The following CHMP7 variants were observed in gnomAD, a reference collection of about 807,000 sequenced individuals.
CHMP7 encodes charged multivesicular body protein 7, also known as CHMP family, member 7.
In CHMP7, 15 loss-of-function variants were observed where a neutral mutation model predicts 53.7. That is an observed-to-expected ratio of 0.28 (90% confidence interval 0.19 to 0.43). The LOEUF is 0.43. Among genes scored for constraint, CHMP7 ranks in the 20% least tolerant of loss-of-function variants. The pLI, the probability that CHMP7 is intolerant of heterozygous loss-of-function variation, is 1.00. For missense variants in CHMP7, 527 were observed against 569.4 expected (o/e 0.93, Z 0.76); for synonymous variants, 261 against 228.0 (o/e 1.14, Z -1.30).
chr8:23,254,003 A>G (rs989299606), intron 3 of CHMP7, among the ~76,000 whole-genome samples: 1 of 152,180 alleles, frequency 6.6e-6, no homozygotes, highest in African/African-American at 2.4e-5. Flanking sequence ...TACACTTTCT[A>G]TAATATAGGA....
rs763463042 is a variant in CHMP7, at chr8:23,246,974, G to C, written c.279G>C (p.Thr93=). ...GGAGCGTCCCGCTGGGGCTGGCCAC[G>C]GTGCTGCAGGACCTGCTGCGGTGAG... ...RKGSVPLGLA[T]VLQDLLRRGE... is the part of the protein sequence containing the mutation. The change falls in exon 2 of 11, where the codon ACG becomes ACC. Residue 93 remains threonine, a synonymous_variant. Transcript: ENST00000397677. 14 of 1,539,470 alleles carry C rather than the reference G, an allele frequency of 9.1e-6. No individual in the cohort carries two copies. Among genetic ancestry groups the C allele is most frequent in the Non-Finnish European group, 1.1e-5 (13 of 1,146,876 alleles).
intron 3 of CHMP7, among the ~76,000 whole-genome samples, chr8:23,253,252 T>G (rs1009611396): frequency 2.0e-5 from 3 of 152,256 alleles, no homozygotes; most frequent in African/African-American, 7.2e-5. Flanking sequence ...TGATAGGTTG[T>G]ATACATAATC....
intron 10 of CHMP7, 51 bp from the exon 11 acceptor site, chr8:23,260,487 C>T (rs1802343262): frequency 6.4e-7 from 1 of 1,566,920 alleles, no homozygotes; most frequent in Non-Finnish European, 8.8e-7. Context: ...GGAATGCCTT[C>T]ATCTTCAAGA....
intron 2 of CHMP7, 24 bp downstream of exon 2, chr8:23,247,018 G>C (rs1801725673): frequency 1.3e-6 from 2 of 1,485,378 alleles, no homozygotes; most frequent in South Asian, 1.3e-5. Flanking sequence ...TGGGGCCAGG[G>C]CCGCGAGGGC....
rs145952565 is a variant in CHMP7 at position 23,261,992 on chromosome 8, G to A, written c.*1393G>A. 2.5e-3 allele frequency: 375 copies of A among 152,314 alleles called. 7 individuals carry two copies. The highest frequency in any genetic ancestry group is 5.9e-4 in the Non-Finnish European group (40 of 68,026). The allele number at this position is 152,314 out of a possible 1,614,324, so 9.4% of individuals were successfully genotyped here. A position where few individuals can be genotyped will look rare whatever the true frequency, so the allele number is the denominator to read the frequency against. On this transcript the variant is annotated 3_prime_UTR_variant, in exon 11 of 11. Coordinates refer to ENST00000397677, the MANE Select transcript of CHMP7 (RefSeq NM_152272.5). ...CTGGTAAATAATTAAAAGAAAAACC[G>A]AACACTTGTCCCGTCTCCTCTTTAG...
rs1244955383 is a variant in CHMP7 at position 23,246,307 on chromosome 8, G to T, written c.-389G>T. 4 of 206,024 alleles carry T rather than the reference G, an allele frequency of 1.9e-5. No individual in the cohort carries two copies. The Admixed American group carries it at 2.2e-4, about 11-fold the overall frequency. 12.8% of individuals were successfully genotyped at this position (206,024 alleles called of 1,614,324 possible). On this transcript the variant is annotated 5_prime_UTR_variant, in exon 2 of 11. Transcript: ENST00000397677. ...CGGGCACCACTGGCGCCCCTCTGCG[G>T]CTATTCCCCAGTTCCATTTTCTGAA...
Position 23,261,932 on chromosome 8 carries a change from T to G in CHMP7, c.*1333T>G, listed in dbSNP as rs1348328581. 4 of 152,562 alleles carry G rather than the reference T, an allele frequency of 2.6e-5. No homozygotes were observed. The highest frequency in any genetic ancestry group is 2.6e-4 in the Admixed American group (4 of 15,272). 9.5% of individuals were successfully genotyped at this position (152,562 alleles called of 1,614,324 possible). On this transcript the variant is annotated 3_prime_UTR_variant, in exon 11 of 11. Transcript: ENST00000397677. ...CCTTGGTAAACGGAAATGTTGGGGG[T>G]GAAGAGAAACAATCACTATTTTTTT...
intron 3 of CHMP7, among the ~76,000 whole-genome samples, chr8:23,250,476 C>G (rs1195655822): frequency 6.6e-6 from 1 of 152,128 alleles, no homozygotes; most frequent in Admixed American, 6.6e-5. Flanking sequence ...TTTGTGGTAC[C>G]TGGGCCCTGC....
At position 23,255,555 on chromosome 8, in the gene CHMP7, A is replaced by G. The variant is rs77467372; in HGVS notation, c.657+123A>G. ...AGTAACCTGCCGTCAACCACGGTCC[A>G]AAAATAATAAGTGGAAAATTCCAAA... On this transcript the variant is annotated intron_variant, in intron 4 of 10. Coordinates refer to ENST00000397677, the MANE Select transcript of CHMP7 (RefSeq NM_152272.5). 5,505 of 781,588 alleles carry G rather than the reference A, an allele frequency of 7.0e-3. 32 individuals carry two copies. The highest frequency in any genetic ancestry group is 0.01 in the Non-Finnish European group (4,704 of 465,250). 48.4% of individuals were successfully genotyped at this position (781,588 alleles called of 1,614,324 possible).
At position 23,246,805 on chromosome 8, in the gene CHMP7, C is replaced by A; in HGVS notation, c.110C>A (p.Ala37Asp). The A allele has an allele frequency of 6.3e-7, 1 of 1,593,164 alleles. No individual in the cohort carries two copies. Among genetic ancestry groups the A allele is most frequent in the Admixed American group, 1.8e-5 (1 of 56,988 alleles). Residue 37 changes from alanine to aspartate, a missense_variant, in exon 2 of 11, where the codon GCT becomes GAT. By Grantham distance (126) the Ala-to-Asp change is moderately radical. Coordinates refer to ENST00000397677, the MANE Select transcript of CHMP7 (RefSeq NM_152272.5). ...DEERMSFLFS[A>D]FKRSREVNST... is the part of the protein sequence containing the mutation. The stretch of plus-strand genomic sequence containing the variant: ...GAGCGCATGTCCTTCCTGTTCTCCG[C>A]TTTCAAGAGGAGTCGCGAGGTGAAC...
intron 1 of CHMP7, among the ~76,000 whole-genome samples, chr8:23,244,738 T>A (rs948981302): frequency 2.6e-5 from 4 of 152,236 alleles, no homozygotes; most frequent in Admixed American, 6.5e-5. Context: ...AGAATTGATA[T>A]CTTGATAATA....
At chr8:23,252,180 T>G (rs1801955402) in intron 3 of CHMP7, among the ~76,000 whole-genome samples, 1 of 148,118 alleles carries the variant, frequency 6.8e-6, no homozygotes, top group African/African-American at 2.5e-5. Context: ...CCTTTCCTGT[T>G]TTGTATTGTG....
chr8:23,247,918 GTT>G (rs58644300), intron 2 of CHMP7: 1,628 of 323,992 alleles, frequency 5.0e-3, no homozygotes, highest in Middle Eastern at 0.014. Context: ...TGTTTGGTTG[GTT>G]TTTTTTTTTT....
At chr8:23,259,255 G>A (rs1343476126) in intron 9 of CHMP7, 129 bp downstream of exon 9, 18 of 488,868 alleles carry the variant, frequency 3.7e-5, no homozygotes, top group Admixed American at 8.1e-5. Flanking sequence ...TGCAAGCTCC[G>A]CCTCCCGGGT....
In CHMP7 at chr8:23,260,640, G is replaced by T; in HGVS notation, c.*41G>T. On this transcript the variant is annotated 3_prime_UTR_variant, in exon 11 of 11. Transcript: ENST00000397677. ...GACCCTCATGTAAAAGAGAGACCAGGCTTGCTGGGTGTGTACATAGTTATT... is the reference window on the plus strand; with the variant it reads ...GACCCTCATGTAAAAGAGAGACCAGTCTTGCTGGGTGTGTACATAGTTATT... 6.7e-7 allele frequency: 1 copy of T among 1,485,228 alleles called. No individual in the cohort carries two copies. The highest frequency in any genetic ancestry group is 1.7e-5 in the Admixed American group (1 of 59,862). The allele number at this position is 1,485,228 out of a possible 1,614,324, so 92.0% of individuals were successfully genotyped here.
At chr8:23,258,673 A>G (rs1004631998) in intron 7 of CHMP7, 59 bp from the exon 8 acceptor site, 3 of 1,323,694 alleles carry the variant, frequency 2.3e-6, no homozygotes, top group African/African-American at 2.9e-5. Context: ...TTGAAACAAT[A>G]TTGTATGTAT....
At chr8:23,245,317 G>C (rs1305576182) in intron 1 of CHMP7, among the ~76,000 whole-genome samples, 3 of 152,188 alleles carry the variant, frequency 2.0e-5, no homozygotes, top group African/African-American at 7.2e-5. Flanking sequence ...TATTCCTAGA[G>C]TGCCGAGACT....
At chr8:23,255,552 T>C in intron 4 of CHMP7, 120 bp downstream of exon 4, 1 of 811,172 alleles carries the variant, frequency 1.2e-6, no homozygotes, top group Non-Finnish European at 2.0e-6. Context: ...TCAACCACGG[T>C]CCAAAAATAA....
chr8:23,258,643 C>A, intron 7 of CHMP7, 89 bp from the exon 8 acceptor site: 2 of 1,229,780 alleles, frequency 1.6e-6, no homozygotes, highest in South Asian at 1.3e-5. Context: ...AAAAAAACAC[C>A]CCAAAGCTGC....
Sources: gnomAD v4.1 joint callset for allele counts (sites outside exome capture counted in the v4.1 genomes callset) on GRCh38, gnomAD v4.1.1 for gene constraint, MANE v1.5 for transcripts, NCBI Gene and HGNC (gene_info 2026-07-23, HGNC 2026-07-21) for gene names.